Variants in NAV2 observed in about 807,000 individuals in gnomAD.
NAV2 encodes the protein helicase, APC down-regulated 1.
A neutral mutation model predicts 223.2 loss-of-function variants in NAV2; 54 were observed. That is an observed-to-expected ratio of 0.24 (90% CI 0.19 to 0.30). NAV2 has a LOEUF of 0.30. NAV2 is among the 10% of genes least tolerant of loss of function. The pLI, the probability that NAV2 is intolerant of heterozygous loss-of-function variation, is 1.00. For synonymous variants in NAV2, 1,279 were observed against 1,239.3 expected, an observed-to-expected ratio of 1.03 and a Z score of -0.67; for missense variants, 2,806 against 3,147.5, an observed-to-expected ratio of 0.89 and a Z score of 2.60.
intron 1 of NAV2, among the ~76,000 whole-genome samples, chr11:19,605,595 G>A (rs2046455988): frequency 6.6e-6 from 1 of 151,812 alleles, no homozygotes; most frequent in South Asian, 2.1e-4. Flanking sequence ...GCTGAGACCT[G>A]TGCAAGGGAG....
intron 1 of NAV2, among the ~76,000 whole-genome samples, chr11:19,573,361 G>A (rs914864124): frequency 9.2e-5 from 14 of 152,068 alleles, no homozygotes; most frequent in Admixed American, 1.3e-4. Flanking sequence ...TACCCACTCC[G>A]AACTGGAAGG....
At chr11:19,774,806 C>G (rs2056017398) in intron 1 of NAV2, among the ~76,000 whole-genome samples, 1 of 152,136 alleles carries the variant, frequency 6.6e-6, no homozygotes, top group Non-Finnish European at 1.5e-5. Context: ...AAAGCTGAGG[C>G]AGGTACCTTC....
At chr11:19,963,850 G>C (rs1349567419) in intron 10 of NAV2, among the ~76,000 whole-genome samples, 1 of 152,290 alleles carries the variant, frequency 6.6e-6, no homozygotes, top group Middle Eastern at 3.4e-3. Context: ...TTCAGATCAA[G>C]AGCCAATTCT....
intron 1 of NAV2, among the ~76,000 whole-genome samples, chr11:19,770,471 A>G (rs1258654553): frequency 2.0e-5 from 3 of 151,668 alleles, no homozygotes; most frequent in East Asian, 3.9e-4. Flanking sequence ...CACAATTTCA[A>G]CCCTTATCTG....
intron 16 of NAV2, among the ~76,000 whole-genome samples, 198 bp downstream of exon 16, chr11:20,050,099 G>A (rs1331594925): frequency 1.3e-5 from 2 of 152,150 alleles, no homozygotes; most frequent in Non-Finnish European, 2.9e-5. Flanking sequence ...AGGTGGAGTT[G>A]GGCTGGCCTC....
chr11:20,109,658 G>C (rs1034989188), intron 36 of NAV2, among the ~76,000 whole-genome samples: 2 of 152,208 alleles, frequency 1.3e-5, no homozygotes, highest in African/African-American at 4.8e-5. Flanking sequence ...GGAAACCCAA[G>C]CTGCTTAAGA....
intron 8 of NAV2, among the ~76,000 whole-genome samples, chr11:19,944,041 C>CA (rs35791492): frequency 2.7e-5 from 4 of 150,796 alleles, no homozygotes; most frequent in South Asian, 2.1e-4. Flanking sequence ...CTACTAAAAA[C>CA]AAAAAAAAAT....
At chr11:20,034,105 A>G (rs1219207799) in intron 11 of NAV2, among the ~76,000 whole-genome samples, 2 of 152,184 alleles carry the variant, frequency 1.3e-5, no homozygotes, top group Non-Finnish European at 2.9e-5. Context: ...GTCTGCAGTC[A>G]CAGTAAAGAG....
At chr11:19,604,989 G>A (rs942261560) in intron 1 of NAV2, among the ~76,000 whole-genome samples, 2 of 152,130 alleles carry the variant, frequency 1.3e-5, no homozygotes, top group East Asian at 1.9e-4. Flanking sequence ...GGAACTGTAA[G>A]TCCATTAAAC....
chr11:19,885,018 C>T (rs2063444962), intron 5 of NAV2, among the ~76,000 whole-genome samples: 1 of 152,198 alleles, frequency 6.6e-6, no homozygotes, highest in Non-Finnish European at 1.5e-5. Context: ...AACCTGTCTG[C>T]TGCCTCCTAT....
At chr11:19,798,456 C>T (rs915331999) in intron 1 of NAV2, among the ~76,000 whole-genome samples, 9 of 152,136 alleles carry the variant, frequency 5.9e-5, no homozygotes, top group African/African-American at 1.9e-4. Context: ...ATCTCCTCTG[C>T]TGTGGGAAAA....
At chr11:19,413,868 C>T (rs909526407) in intron 1 of NAV2, among the ~76,000 whole-genome samples, 1 of 152,106 alleles carries the variant, frequency 6.6e-6, no homozygotes, top group Non-Finnish European at 1.5e-5. Context: ...TAGAGACAAG[C>T]AAATGCTGAT....
chr11:19,921,221 A>C (rs1260339400), intron 6 of NAV2, among the ~76,000 whole-genome samples: 2 of 151,948 alleles, frequency 1.3e-5, no homozygotes, highest in Non-Finnish European at 2.9e-5. Flanking sequence ...AGGATAAATG[A>C]CTCCTTTTTT....
intron 1 of NAV2, among the ~76,000 whole-genome samples, chr11:19,579,044 C>T (rs2045642511): frequency 6.6e-6 from 1 of 152,066 alleles, no homozygotes; most frequent in African/African-American, 2.4e-5. Context: ...CAAGTAGAGC[C>T]AGAATTTGAC....
intron 1 of NAV2, chr11:19,519,727 G>T (rs376139345): frequency 6.6e-6 from 1 of 152,216 alleles, no homozygotes; most frequent in South Asian, 2.1e-4. Context: ...TCCAGGCTGG[G>T]GCTGGCTGGC....
chr11:19,799,516 T>C (rs1319556183), intron 1 of NAV2, among the ~76,000 whole-genome samples: 1 of 136,560 alleles, frequency 7.3e-6, no homozygotes. Context: ...TCTCCCAAAT[T>C]AGGTGCTGGG....
At chr11:19,711,749 C>T (rs985129328), upstream of NAV2, 15 of 152,158 alleles carry the variant, frequency 9.9e-5, no homozygotes, top group Admixed American at 8.5e-4. Context: ...GAAAATAAAG[C>T]CCAGCTTTTA....
At chr11:19,421,788 G>A (rs201190948) in intron 1 of NAV2, among the ~76,000 whole-genome samples, 1 of 19,260 alleles carries the variant, frequency 5.2e-5, no homozygotes, top group Non-Finnish European at 1.1e-4. Flanking sequence ...TTTTTTTTTT[G>A]CCCAAGCATG....
chr11:19,962,278 G>C (rs1477298785), intron 10 of NAV2, among the ~76,000 whole-genome samples: 3 of 151,882 alleles, frequency 2.0e-5, no homozygotes, highest in Non-Finnish European at 4.4e-5. Context: ...ACATTATGGA[G>C]GATGATCTGC....
Sources: allele counts gnomAD v4.1 joint callset (sites outside exome capture counted in the v4.1 genomes callset), GRCh38; gene constraint gnomAD v4.1.1; transcripts MANE v1.5; gene names NCBI Gene and HGNC (gene_info 2026-07-23, HGNC 2026-07-21).